SLC4A5: variants seen among roughly 807,000 people sequenced by gnomAD.
SLC4A5 encodes solute carrier family 4 member 5, also known as electrogenic sodium bicarbonate cotransporter 4.
Under a neutral mutation model 120.4 loss-of-function variants are expected in SLC4A5, and 96 were observed. That is an observed-to-expected ratio of 0.80 (90% CI 0.68 to 0.94). SLC4A5 has a LOEUF of 0.94. SLC4A5 is among the 40% of genes least tolerant of loss of function. The pLI, the probability that SLC4A5 is intolerant of heterozygous loss-of-function variation, is 0.00. For synonymous variants in SLC4A5, 550 were observed against 571.1 expected (o/e 0.96, Z 0.53); for missense variants, 1,259 against 1,459.5 (o/e 0.86, Z 2.24).
chr2:74,242,144 A>T, intron 19 of SLC4A5, 92 bp from the exon 20 acceptor site: 1 of 1,210,360 alleles, frequency 8.3e-7, no homozygotes, highest in Non-Finnish European at 1.2e-6. Context: ...CCAGTTCCTT[A>T]GAGCCAAGGC....
exon 17 of SLC4A5, chr2:74,250,455 T>G (rs768497599): frequency 6.2e-7 from 1 of 1,614,202 alleles, no homozygotes; most frequent in South Asian, 1.1e-5. Context: ...GAAGCCATCA[T>G]AGAAGTCACT....
At chr2:74,309,421 T>C (rs1484200267) in intron 6 of SLC4A5, among the ~76,000 whole-genome samples, 5 of 152,212 alleles carry the variant, frequency 3.3e-5, no homozygotes, top group African/African-American at 1.2e-4. Context: ...CACTTGATTG[T>C]AGTAGCTTTA....
chr2:74,308,012 G>C, intron 6 of SLC4A5: 1 of 541,620 alleles, frequency 1.8e-6, no homozygotes, highest in Non-Finnish European at 3.7e-6. Context: ...AGCTCATGCT[G>C]TCCGGGGAGG....
intron 6 of SLC4A5, among the ~76,000 whole-genome samples, chr2:74,309,538 A>G (rs1672743569): frequency 6.6e-6 from 1 of 152,172 alleles, no homozygotes; most frequent in African/African-American, 2.4e-5. Context: ...TTTAGAATCA[A>G]TATGTCAGCA....
intron 21 of SLC4A5, among the ~76,000 whole-genome samples, chr2:74,235,806 T>C (rs1383334911): frequency 6.6e-6 from 1 of 152,084 alleles, no homozygotes. Flanking sequence ...TGGAGGCCCT[T>C]CCTAGACCAA....
intron 28 of SLC4A5, among the ~76,000 whole-genome samples, chr2:74,223,630 A>G (rs1277794167): frequency 2.6e-5 from 4 of 152,246 alleles, no homozygotes; most frequent in Non-Finnish European, 5.9e-5. Context: ...CATAATTCAG[A>G]GATTCTTTTT....
chr2:74,224,693 A>T, intron 28 of SLC4A5, 147 bp downstream of exon 28: 1 of 1,133,644 alleles, frequency 8.8e-7, no homozygotes, highest in South Asian at 1.5e-5. Flanking sequence ...CCCCAGACCA[A>T]GACAAGCAGA....
At chr2:74,225,918 C>T (rs1257088921) in intron 27 of SLC4A5, among the ~76,000 whole-genome samples, 4 of 152,128 alleles carry the variant, frequency 2.6e-5, no homozygotes, top group Admixed American at 6.5e-5. Flanking sequence ...ATCTGTAAAG[C>T]GGGGTTATTA....
intron 21 of SLC4A5, among the ~76,000 whole-genome samples, chr2:74,236,977 ATT>A (rs33959548): frequency 6.4e-5 from 9 of 140,098 alleles, no homozygotes; most frequent in Admixed American, 2.2e-4. Flanking sequence ...CAACTGAGCA[ATT>A]TTTTTTTTTT....
At chr2:74,310,688 T>C (rs72903260) in intron 6 of SLC4A5, among the ~76,000 whole-genome samples, 4,950 of 152,288 alleles carry the variant, frequency 0.033, 280 homozygotes, top group African/African-American at 0.11. Context: ...TTACACATTG[T>C]TGAATTTGAT....
intron 20 of SLC4A5, among the ~76,000 whole-genome samples, chr2:74,241,603 G>C (rs1447890786): frequency 6.6e-6 from 1 of 151,794 alleles, no homozygotes; most frequent in African/African-American, 2.4e-5. Context: ...TTAGCTGGGC[G>C]TGATGGTGCG....
chr2:74,238,324 C>T (rs1225658778), intron 21 of SLC4A5, among the ~76,000 whole-genome samples: 1 of 151,976 alleles, frequency 6.6e-6, no homozygotes, highest in East Asian at 1.9e-4. Flanking sequence ...TCTTCCCAAA[C>T]AGAGGCAAAG....
intron 1 of SLC4A5, 48 bp downstream of exon 1, chr2:74,343,308 C>T (rs1673665812): frequency 6.6e-6 from 1 of 152,180 alleles, no homozygotes; most frequent in African/African-American, 2.4e-5. Context: ...CAAACCAGAA[C>T]CTACAACCAC....
chr2:74,306,356 A>AT (rs61356525), intron 6 of SLC4A5, among the ~76,000 whole-genome samples: 10,855 of 152,198 alleles, frequency 0.071, 1,290 homozygotes, highest in African/African-American at 0.25. Flanking sequence ...CAACACCACC[A>AT]AAACTTCTTC....
chr2:74,315,425 G>A (rs1258823298), intron 5 of SLC4A5, among the ~76,000 whole-genome samples: 1 of 139,922 alleles, frequency 7.1e-6, no homozygotes, highest in African/African-American at 2.7e-5. Flanking sequence ...GGGGAACAGA[G>A]CAAGACTCTG....
At chr2:74,303,020 G>C (rs1379788450) in intron 7 of SLC4A5, among the ~76,000 whole-genome samples, 1 of 147,026 alleles carries the variant, frequency 6.8e-6, no homozygotes, top group African/African-American at 2.6e-5. Flanking sequence ...GCAGGACTGT[G>C]TGTGTGTGTG....
intron 25 of SLC4A5, among the ~76,000 whole-genome samples, chr2:74,230,777 T>C (rs1313075145): frequency 6.6e-6 from 1 of 152,192 alleles, no homozygotes; most frequent in Non-Finnish European, 1.5e-5. Context: ...TGCTTTGGCC[T>C]AGTAAGACTG....
Position 74,248,763 on chromosome 2 carries a change from G to A in SLC4A5, c.1654-277C>T, listed in dbSNP as rs750610981. 3.3e-5 allele frequency among the ~76,000 whole-genome samples: 5 copies of A among 152,138 alleles called. 1 individual carries two copies. Among genetic ancestry groups the A allele is most frequent in the Admixed American group, 6.5e-5 (1 of 15,282 alleles). On this transcript the variant is annotated intron_variant, in intron 17 of 30. Transcript: ENST00000394019. ...AAACAGTGGATGTGCTTTTCTCTGT[G>A]TCCATTCTACTCCCAGAGGACAGCC...
rs948618132 is a variant in SLC4A5 at position 74,255,438 on chromosome 2, G to A, written c.1025+337C>T. Among the ~76,000 whole-genome samples, 19 of 152,102 alleles carry A rather than the reference G, an allele frequency of 1.2e-4. No individual in the cohort carries two copies. The highest frequency in any genetic ancestry group is 2.4e-4 in the African/African-American group (10 of 41,508). ...CTCCCGAGGAGCTGGGATTACAGGC[G>A]CGTACCACCACACCTGGCTAATTTT... On this transcript the variant is annotated intron_variant, in intron 13 of 30. Transcript: ENST00000394019. This position sits in a 1 kb window ranked among gnomAD's most constrained non-coding sequence, Gnocchi z 4.0.
Sources: gnomAD v4.1 joint callset for allele counts (sites outside exome capture counted in the v4.1 genomes callset) on GRCh38, gnomAD v4.1.1 for gene constraint, Gnocchi (gnomAD v3.1) non-coding constraint, MANE v1.5 for transcripts, NCBI Gene and HGNC (gene_info 2026-07-23, HGNC 2026-07-21) for gene names.